GMDS: variants seen among roughly 807,000 people sequenced by gnomAD.
GMDS encodes the protein GDP-mannose 4,6 dehydratase.
GMDS carries 20 observed loss-of-function variants against 49.9 expected under a neutral mutation model. The observed-to-expected ratio is 0.40, with a 90% confidence interval of 0.28 to 0.58. GMDS has a LOEUF of 0.58. GMDS is among the 20% of genes least tolerant of loss of function. The probability of loss-of-function intolerance (pLI) is 0.42; values close to 1 mark genes in which losing one functional copy is unlikely to be tolerated. For synonymous variants in GMDS, 177 were observed against 178.6 expected (o/e 0.99, Z 0.07); for missense variants, 362 against 481.4 (o/e 0.75, Z 2.32).
chr6:1,920,439 G>C (rs568043838), intron 7 of GMDS, among the ~76,000 whole-genome samples: 4 of 152,244 alleles, frequency 2.6e-5, no homozygotes, highest in Admixed American at 2.6e-4. Flanking sequence ...CTTCTAGCTT[G>C]TGTGTGTATA....
At chr6:1,984,863 T>C (rs1765447946) in intron 4 of GMDS, among the ~76,000 whole-genome samples, 1 of 152,152 alleles carries the variant, frequency 6.6e-6, no homozygotes, top group African/African-American at 2.4e-5. Context: ...TAAAAAGGCA[T>C]GACTGGGTAG....
At chr6:1,845,727 C>G (rs140350211) in intron 7 of GMDS, among the ~76,000 whole-genome samples, 1 of 152,098 alleles carries the variant, frequency 6.6e-6, no homozygotes, top group Admixed American at 6.6e-5. Flanking sequence ...TCATAAGGAG[C>G]GCATAACCTA....
chr6:1,866,201 A>C (rs867146219), intron 7 of GMDS, among the ~76,000 whole-genome samples: 1 of 152,316 alleles, frequency 6.6e-6, no homozygotes, highest in Non-Finnish European at 1.5e-5. Flanking sequence ...ACCTGTTTAA[A>C]ATGTTTATAT....
intron 7 of GMDS, among the ~76,000 whole-genome samples, chr6:1,923,928 C>T (rs145899179): frequency 1.3e-5 from 2 of 152,324 alleles, no homozygotes; most frequent in African/African-American, 2.4e-5. Context: ...CTTCCAGAGG[C>T]TCCTCACCTT....
intron 9 of GMDS, among the ~76,000 whole-genome samples, chr6:1,634,318 T>C (rs1166854983): frequency 6.6e-6 from 1 of 152,180 alleles, no homozygotes. Context: ...ACGCTCAGCC[T>C]CTGAAGGCTA....
At chr6:2,068,691 T>C (rs1771779699) in intron 4 of GMDS, among the ~76,000 whole-genome samples, 1 of 152,076 alleles carries the variant, frequency 6.6e-6, no homozygotes, top group Non-Finnish European at 1.5e-5. Context: ...ATAAAATACC[T>C]AGGAATCCAA....
intron 7 of GMDS, among the ~76,000 whole-genome samples, chr6:1,854,621 C>G (rs1037664107): frequency 6.6e-6 from 1 of 152,176 alleles, no homozygotes; most frequent in African/African-American, 2.4e-5. Flanking sequence ...ATTATTTGGT[C>G]TAAAATGTCA....
intron 9 of GMDS, among the ~76,000 whole-genome samples, chr6:1,659,768 T>G (rs2814827): frequency 0.26 from 39,790 of 152,034 alleles, 5,740 homozygotes; most frequent in East Asian, 0.52. Context: ...AACACTGAAT[T>G]ACTTGAGAAA....
chr6:2,245,290 T>A, intron 1 of GMDS, 31 bp downstream of exon 1: 1 of 1,444,342 alleles, frequency 6.9e-7, no homozygotes. Context: ...CCAGGCTGCC[T>A]CGGCCGGCGC....
At chr6:1,765,690 C>G (rs1163677124) in intron 7 of GMDS, among the ~76,000 whole-genome samples, 1 of 152,102 alleles carries the variant, frequency 6.6e-6, no homozygotes, top group Non-Finnish European at 1.5e-5. Context: ...AGTTTTCCAC[C>G]CAATCTACCC....
chr6:1,624,068 A>AC lies in GMDS; in HGVS notation c.*100dup. On this transcript the variant is annotated 3_prime_UTR_variant, in exon 11 of 11. Transcript: ENST00000380815. ...GCAGCGGCAGCAGGGGCCGCAGGGG[A>AC]CCCGCAGATTGGCACGCCGCTCCCC... 1 of 1,033,430 alleles carries AC rather than the reference A, an allele frequency of 9.7e-7. No individual in the cohort carries two copies. The highest frequency in any genetic ancestry group is 1.4e-6 in the Non-Finnish European group (1 of 692,374). 64.0% of individuals were successfully genotyped at this position (1,033,430 alleles called of 1,614,324 possible).
intron 9 of GMDS, among the ~76,000 whole-genome samples, chr6:1,662,176 C>G (rs566544892): frequency 2.1e-4 from 32 of 152,298 alleles, no homozygotes; most frequent in Admixed American, 4.6e-4. Context: ...CTTATTTAAT[C>G]CTCAGATCAG....
At chr6:1,785,640 C>T (rs1769286939) in intron 7 of GMDS, among the ~76,000 whole-genome samples, 1 of 152,224 alleles carries the variant, frequency 6.6e-6, no homozygotes, top group South Asian at 2.1e-4. Context: ...CACGACCTGC[C>T]TCAGCACCAG....
chr6:1,672,545 T>C (rs1297009667), intron 9 of GMDS, among the ~76,000 whole-genome samples: 1 of 152,246 alleles, frequency 6.6e-6, no homozygotes, highest in African/African-American at 2.4e-5. Context: ...CATTTCACAA[T>C]GCCTGGTTTC....
chr6:2,000,013 T>TATAA (rs1561962167), intron 4 of GMDS, among the ~76,000 whole-genome samples: 1 of 10,202 alleles, frequency 9.8e-5, no homozygotes, highest in Non-Finnish European at 2.3e-4. Flanking sequence ...TATATATTTT[T>TATAA]TATATATATA....
intron 7 of GMDS, among the ~76,000 whole-genome samples, chr6:1,828,324 TA>T (rs1448576949): frequency 6.6e-6 from 1 of 151,992 alleles, no homozygotes; most frequent in African/African-American, 2.4e-5. Context: ...CAGACCAACA[TA>T]ATCTGCAGGA....
chr6:1,759,704 A>G (rs1768087836), intron 7 of GMDS, among the ~76,000 whole-genome samples: 1 of 152,220 alleles, frequency 6.6e-6, no homozygotes, highest in Non-Finnish European at 1.5e-5. Flanking sequence ...AAGCGTTTTA[A>G]AAGTCCAAAT....
chr6:1,792,988 A>G (rs190492476), intron 7 of GMDS, among the ~76,000 whole-genome samples: 119 of 152,324 alleles, frequency 7.8e-4, no homozygotes, highest in African/African-American at 2.8e-3. Flanking sequence ...TAATTTCCTT[A>G]TATTTTCCAT....
chr6:2,106,650 G>A (rs1215641364), intron 4 of GMDS, among the ~76,000 whole-genome samples: 2 of 152,126 alleles, frequency 1.3e-5, no homozygotes, highest in Non-Finnish European at 2.9e-5. Context: ...ATCACCTGAG[G>A]TCAGGAGATG....
Sources: allele counts gnomAD v4.1 joint callset (sites outside exome capture counted in the v4.1 genomes callset), GRCh38; gene constraint gnomAD v4.1.1; transcripts MANE v1.5; gene names NCBI Gene and HGNC (gene_info 2026-07-23, HGNC 2026-07-21).